The following RALYL variants were observed in gnomAD, a reference collection of about 807,000 sequenced individuals.
RALYL encodes the protein RNA-binding Raly-like protein.
In RALYL, 29 loss-of-function variants were observed where a neutral mutation model predicts 35.1. The ratio of observed to expected loss-of-function variants is 0.83; its 90% CI spans 0.61 to 1.13. The LOEUF is 1.13. Among genes scored for constraint, RALYL ranks in the 50% most tolerant of loss-of-function variants. RALYL has a pLI of 0.00. For missense variants in RALYL, 359 were observed against 360.4 expected (o/e 1.00, Z 0.03); for synonymous variants, 120 against 127.6 (o/e 0.94, Z 0.40).
intron 6 of RALYL, among the ~76,000 whole-genome samples, chr8:84,863,334 G>C (rs1258057637): frequency 6.6e-6 from 1 of 152,148 alleles, no homozygotes; most frequent in Non-Finnish European, 1.5e-5. Context: ...TCAGTGCAGA[G>C]ACCTTAAATT....
intron 1 of RALYL, among the ~76,000 whole-genome samples, chr8:84,424,921 C>A (rs1435173867): frequency 6.6e-6 from 1 of 151,632 alleles, no homozygotes; most frequent in Non-Finnish European, 1.5e-5. Context: ...AGATCTCCAG[C>A]TGTGTGCTGG....
At chr8:84,274,528 G>A (rs1834971414) in intron 1 of RALYL, among the ~76,000 whole-genome samples, 1 of 152,074 alleles carries the variant, frequency 6.6e-6, no homozygotes, top group African/African-American at 2.4e-5. Context: ...AAAAGTAGAA[G>A]CACAAATTTT....
chr8:84,473,218 C>T (rs924202111), intron 1 of RALYL, among the ~76,000 whole-genome samples: 3 of 151,654 alleles, frequency 2.0e-5, no homozygotes, highest in African/African-American at 7.3e-5. Flanking sequence ...CTTAACGACT[C>T]TAATTTAAAT....
intron 1 of RALYL, among the ~76,000 whole-genome samples, chr8:84,256,993 A>G (rs980188865): frequency 6.6e-6 from 1 of 151,926 alleles, no homozygotes; most frequent in African/African-American, 2.4e-5. Context: ...TTGGTTTAAT[A>G]TACTTATTAA....
chr8:84,389,858 T>C (rs953799498), intron 1 of RALYL, among the ~76,000 whole-genome samples: 3 of 151,326 alleles, frequency 2.0e-5, no homozygotes, highest in African/African-American at 7.3e-5. Context: ...CTAATTGCCC[T>C]GGCCAGAACT....
At chr8:84,389,972 C>A (rs1860233031) in intron 1 of RALYL, among the ~76,000 whole-genome samples, 1 of 151,736 alleles carries the variant, frequency 6.6e-6, no homozygotes, top group Admixed American at 6.6e-5. Flanking sequence ...ATGATATTGG[C>A]TGTGGGTTTG....
intron 1 of RALYL, among the ~76,000 whole-genome samples, chr8:84,478,955 G>A (rs1362598887): frequency 8.0e-6 from 1 of 125,414 alleles, no homozygotes; most frequent in Non-Finnish European, 1.8e-5. Context: ...GCATGGTGGC[G>A]GGCGCCTATA....
Position 84,515,728 on chromosome 8 carries a change from TA to T in RALYL, c.-23-13566del, listed in dbSNP as rs1225170293. Among the ~76,000 whole-genome samples, 3 of 152,084 alleles carry T rather than the reference TA, an allele frequency of 2.0e-5. No individual in the cohort carries two copies. The East Asian group carries it at 5.8e-4, about 29-fold the overall frequency. On this transcript the variant is annotated intron_variant, in intron 1 of 8. Transcript: ENST00000521268. ...AAAAAAATTATTAATATACTCTGTC[TA>T]AAAATGGAATAAATTTTCAGTTGAC... is the stretch of plus-strand genomic sequence containing the variant.
chr8:84,659,233 G>T (rs1004219674), intron 2 of RALYL, among the ~76,000 whole-genome samples: 1 of 151,380 alleles, frequency 6.6e-6, no homozygotes, highest in African/African-American at 2.4e-5. Context: ...TTAAAAAGGG[G>T]TGTGGGGAAG....
intron 2 of RALYL, among the ~76,000 whole-genome samples, chr8:84,581,465 A>C (rs1047018184): frequency 3.3e-5 from 5 of 152,202 alleles, no homozygotes; most frequent in African/African-American, 1.2e-4. Flanking sequence ...ATGCCACCTT[A>C]TTACACACAT....
intron 8 of RALYL, among the ~76,000 whole-genome samples, chr8:84,889,347 C>A (rs955676010): frequency 2.6e-5 from 4 of 152,156 alleles, no homozygotes; most frequent in African/African-American, 9.7e-5. Flanking sequence ...CTCCATGCTG[C>A]CATTTACAAT....
intron 1 of RALYL, among the ~76,000 whole-genome samples, chr8:84,249,514 T>A (rs1829766686): frequency 6.6e-6 from 1 of 152,142 alleles, no homozygotes; most frequent in Non-Finnish European, 1.5e-5. Flanking sequence ...TTGAAATAAG[T>A]GATTCTTTTA....
At chr8:84,387,310 CT>C (rs966639379) in intron 1 of RALYL, among the ~76,000 whole-genome samples, 62 of 151,920 alleles carry the variant, frequency 4.1e-4, no homozygotes, top group African/African-American at 1.3e-3. Flanking sequence ...AGCACTTTTA[CT>C]TTTTTTCTTC....
intron 1 of RALYL, among the ~76,000 whole-genome samples, chr8:84,192,894 T>TGG (rs1444549095): frequency 1.3e-4 from 14 of 105,124 alleles, no homozygotes; most frequent in Non-Finnish European, 2.0e-4. Flanking sequence ...GGAGTGTGTG[T>TGG]GTGTGTGTGT....
At chr8:84,406,242 A>G (rs1413978729) in intron 1 of RALYL, among the ~76,000 whole-genome samples, 1 of 152,126 alleles carries the variant, frequency 6.6e-6, no homozygotes, top group East Asian at 1.9e-4. Context: ...GTAAATGTTC[A>G]ATAGCCAGAA....
At chr8:84,333,032 A>T (rs1393201957) in intron 1 of RALYL, among the ~76,000 whole-genome samples, 2 of 152,190 alleles carry the variant, frequency 1.3e-5, no homozygotes, top group Non-Finnish European at 2.9e-5. Context: ...GAATGCAGAA[A>T]TACTCAAACA....
chr8:84,557,780 AC>A (rs1372851178), intron 2 of RALYL, among the ~76,000 whole-genome samples: 2 of 152,128 alleles, frequency 1.3e-5, no homozygotes, highest in African/African-American at 2.4e-5. Flanking sequence ...GAAAAAAAAA[AC>A]AAATGCTGAT....
At chr8:84,853,603 T>C (rs1465007242) in intron 5 of RALYL, among the ~76,000 whole-genome samples, 3 of 152,206 alleles carry the variant, frequency 2.0e-5, no homozygotes, top group Non-Finnish European at 4.4e-5. Context: ...TATGGTTGTA[T>C]TGTTAACAGA....
chr8:84,260,643 A>G (rs1318452976), intron 1 of RALYL, among the ~76,000 whole-genome samples: 1 of 152,170 alleles, frequency 6.6e-6, no homozygotes, highest in Non-Finnish European at 1.5e-5. Context: ...AGCAATATGC[A>G]TGAAAGGGAT....
Sources: allele counts gnomAD v4.1 joint callset (sites outside exome capture counted in the v4.1 genomes callset), GRCh38; gene constraint gnomAD v4.1.1; transcripts MANE v1.5; gene names NCBI Gene and HGNC (gene_info 2026-07-23, HGNC 2026-07-21).